Variants in PCDH7 observed in about 807,000 individuals in gnomAD.
PCDH7 encodes the protein protocadherin-7.
PCDH7 carries 17 observed loss-of-function variants against 58.9 expected under a neutral mutation model. The observed-to-expected ratio is 0.29, with a 90% CI of 0.20 to 0.43. PCDH7 has a LOEUF of 0.43. Ranked by LOEUF, PCDH7 falls within the 20% of genes least tolerant of loss-of-function variation. PCDH7 has a pLI of 1.00. For synonymous variants in PCDH7, 664 were observed against 616.4 expected (o/e 1.08, Z -1.14); for missense variants, 1,274 against 1,441.0 (o/e 0.88, Z 1.88).
At chr4:30,891,581 A>G (rs1738611458) in intron 1 of PCDH7, among the ~76,000 whole-genome samples, 1 of 152,004 alleles carries the variant, frequency 6.6e-6, no homozygotes, top group South Asian at 2.1e-4. Context: ...CTCCTGGTGA[A>G]TGAACTTATC....
chr4:30,813,273 T>G (rs1477979016), intron 1 of PCDH7, among the ~76,000 whole-genome samples: 1 of 152,254 alleles, frequency 6.6e-6, no homozygotes, highest in Non-Finnish European at 1.5e-5. Context: ...TTTGCAACTC[T>G]GAAATTCATT....
At chr4:31,052,020 A>C (rs1756788855) in intron 3 of PCDH7, among the ~76,000 whole-genome samples, 1 of 152,184 alleles carries the variant, frequency 6.6e-6, no homozygotes, top group South Asian at 2.1e-4. Context: ...AATTTTGCAA[A>C]TATCTGAATT....
chr4:30,746,571 T>G (rs1308016907), intron 1 of PCDH7, among the ~76,000 whole-genome samples: 1 of 152,240 alleles, frequency 6.6e-6, no homozygotes, highest in Non-Finnish European at 1.5e-5. Flanking sequence ...TCCTGAAATT[T>G]GCCCCATTTG....
intron 3 of PCDH7, among the ~76,000 whole-genome samples, chr4:31,088,027 T>C (rs1051802683): frequency 3.3e-5 from 5 of 152,034 alleles, no homozygotes; most frequent in African/African-American, 1.2e-4. Flanking sequence ...AAGGCAGGTA[T>C]TTTAGGTGTA....
intron 1 of PCDH7, among the ~76,000 whole-genome samples, chr4:30,906,963 C>A (rs949766748): frequency 2.0e-4 from 31 of 152,086 alleles, no homozygotes; most frequent in Non-Finnish European, 4.3e-4. Flanking sequence ...GTGGAGGTTG[C>A]AGTGACCCAA....
At chr4:31,145,538 T>C (rs1204966364), downstream of PCDH7, 1 of 152,146 alleles carries the variant, frequency 6.6e-6, no homozygotes, top group East Asian at 1.9e-4. Context: ...GTTGTTACGG[T>C]AAAAAAACGG....
rs374030165 is a variant in PCDH7 at position 30,874,783 on chromosome 4, TCTC to T, written c.71-45366_71-45364del. Among the ~76,000 whole-genome samples the T allele has an allele frequency of 6.4e-4, 97 of 152,162 alleles. No individual in the cohort carries two copies. In the South Asian group the frequency reaches 0.016, roughly 25 times the overall value. ...AGATGTTGTGAATTTTAAACTATCTTCTCCTCATTTTCTACCATACCAGAGACC... is the reference window on the plus strand; with the variant it reads ...AGATGTTGTGAATTTTAAACTATCTTCTCATTTTCTACCATACCAGAGACC... On this transcript the variant is annotated intron_variant, in intron 1 of 3. Coordinates refer to the PCDH7 transcript ENST00000509759.
intron 3 of PCDH7, among the ~76,000 whole-genome samples, chr4:31,052,492 T>G (rs898670616): frequency 6.6e-6 from 1 of 152,164 alleles, no homozygotes; most frequent in African/African-American, 2.4e-5. Context: ...CCAAAGATCA[T>G]TCTGTAGTGA....
chr4:30,832,914 G>A (rs747451074), intron 1 of PCDH7, among the ~76,000 whole-genome samples: 6 of 152,180 alleles, frequency 3.9e-5, no homozygotes, highest in Admixed American at 6.6e-5. Context: ...AATACTCAGT[G>A]TAGGTCACAG....
intron 1 of PCDH7, among the ~76,000 whole-genome samples, chr4:30,758,957 T>A (rs6857905): frequency 6.9e-6 from 1 of 144,860 alleles, no homozygotes; most frequent in African/African-American, 2.6e-5. Flanking sequence ...TTTTTTTTTT[T>A]TTGTGATACA....
intron 1 of PCDH7, among the ~76,000 whole-genome samples, chr4:30,913,838 C>CT (rs1742076558): frequency 6.6e-6 from 1 of 152,158 alleles, no homozygotes; most frequent in Non-Finnish European, 1.5e-5. Flanking sequence ...TTTCAGAAAA[C>CT]AAAACTACCC....
intron 1 of PCDH7, among the ~76,000 whole-genome samples, chr4:30,864,432 A>AACACAC (rs5857208): frequency 0.078 from 11,430 of 146,550 alleles, 572 homozygotes; most frequent in African/African-American, 0.14. Context: ...ATTATTGGAG[A>AACACAC]ACACACACAC....
intron 3 of PCDH7, among the ~76,000 whole-genome samples, chr4:31,073,027 T>A (rs912590198): frequency 1.3e-5 from 2 of 152,056 alleles, no homozygotes; most frequent in African/African-American, 4.8e-5. Flanking sequence ...CAGGAAAAAA[T>A]TAACAGAGAA....
intron 3 of PCDH7, among the ~76,000 whole-genome samples, chr4:30,976,997 A>G (rs1388867374): frequency 6.6e-6 from 1 of 152,178 alleles, no homozygotes; most frequent in African/African-American, 2.4e-5. Context: ...TTGTTTGTAA[A>G]TAGTTGTTTT....
At chr4:30,936,247 C>A (rs1033786603) in intron 2 of PCDH7, among the ~76,000 whole-genome samples, 14 of 151,774 alleles carry the variant, frequency 9.2e-5, no homozygotes, top group African/African-American at 3.4e-4. Context: ...AAGGTAATAT[C>A]GACATTTTAC....
At chr4:31,082,897 A>G (rs1711728779) in intron 3 of PCDH7, among the ~76,000 whole-genome samples, 1 of 152,194 alleles carries the variant, frequency 6.6e-6, no homozygotes, top group South Asian at 2.1e-4. Context: ...TCACGAGGTC[A>G]GGAGATCGAG....
chr4:31,054,557 A>T (rs1426326481), intron 3 of PCDH7, among the ~76,000 whole-genome samples: 1 of 152,208 alleles, frequency 6.6e-6, no homozygotes, highest in Non-Finnish European at 1.5e-5. Context: ...TTGAACATCT[A>T]GATCTGGTGC....
intron 1 of PCDH7, among the ~76,000 whole-genome samples, chr4:30,919,295 TTTTAA>T (rs759395092): frequency 1.5e-5 from 2 of 132,274 alleles, no homozygotes; most frequent in Non-Finnish European, 3.3e-5. Context: ...GCCTAATTTA[TTTTAA>T]TTTATTTTAT....
At chr4:31,010,665 T>C (rs1015053206) in intron 3 of PCDH7, among the ~76,000 whole-genome samples, 1 of 151,942 alleles carries the variant, frequency 6.6e-6, no homozygotes, top group African/African-American at 2.4e-5. Flanking sequence ...CTTTGGAAGA[T>C]AATTTGACCA....
Sources: gnomAD v4.1 joint callset for allele counts (sites outside exome capture counted in the v4.1 genomes callset) on GRCh38, gnomAD v4.1.1 for gene constraint, MANE v1.5 for transcripts, NCBI Gene and HGNC (gene_info 2026-07-23, HGNC 2026-07-21) for gene names.